The following LAMC2 variants were observed in gnomAD, a reference collection of about 807,000 sequenced individuals.
The protein encoded by LAMC2 is laminin subunit gamma-2.
LAMC2 carries 97 observed loss-of-function variants against 140.2 expected under a neutral mutation model. The ratio of observed to expected loss-of-function variants is 0.69; its 90% CI spans 0.59 to 0.82. The LOEUF (loss-of-function observed/expected upper bound fraction) is 0.82. Among genes scored for constraint, LAMC2 ranks in the 40% least tolerant of loss-of-function variants. LAMC2 has a pLI of 0.00. For missense variants in LAMC2, 1,402 were observed against 1,476.1 expected, an observed-to-expected ratio of 0.95 and a Z score of 0.82; for synonymous variants, 513 against 540.2, an observed-to-expected ratio of 0.95 and a Z score of 0.70.
chr1:183,207,347 C>T (rs1658916660), intron 1 of LAMC2, among the ~76,000 whole-genome samples: 1 of 151,766 alleles, frequency 6.6e-6, no homozygotes, highest in Non-Finnish European at 1.5e-5. Flanking sequence ...GGACACTTGG[C>T]TTTGGGAGGA....
intron 3 of LAMC2, 69 bp downstream of exon 3, chr1:183,215,657 A>G (rs1327237008): frequency 6.4e-7 from 1 of 1,572,044 alleles, no homozygotes; most frequent in African/African-American, 1.3e-5. Flanking sequence ...CTTAGCAAAC[A>G]CTTGTATTTA....
At position 183,236,514 on chromosome 1, in the gene LAMC2, G is replaced by A. The variant is rs780080822; in HGVS notation, c.2511G>A (p.Ala837=). ...AGTTGACAAGGGAGGCCACTCAAGC[G>A]GAAATTGAAGCAGATAGGTCTTATC... The part of the protein sequence containing the change: ...AQQLTREATQ[A]EIEADRSYQH... The change falls in exon 17 of 23, where the codon GCG becomes GCA. Residue 837 remains alanine (A), a synonymous_variant. Coordinates refer to ENST00000264144, the MANE Select transcript of LAMC2 (RefSeq NM_005562.3). The A allele has an allele frequency of 1.5e-5, 25 of 1,613,872 alleles. No homozygotes were observed. Among genetic ancestry groups the A allele is most frequent in the African/African-American group, 4.0e-5 (3 of 74,870 alleles).
At chr1:183,214,971 G>A (rs974817999) in intron 2 of LAMC2, among the ~76,000 whole-genome samples, 2 of 152,136 alleles carry the variant, frequency 1.3e-5, no homozygotes, top group African/African-American at 4.8e-5. Context: ...AGCACTCCTG[G>A]CAGGTGGATA....
chr1:183,246,103 G>A (rs1459755806), downstream of LAMC2, among the ~76,000 whole-genome samples: 1 of 150,882 alleles, frequency 6.6e-6, no homozygotes, highest in African/African-American at 2.4e-5. Flanking sequence ...CTGGGAGGTG[G>A]AGCTTGCAGT....
Position 183,232,829 on chromosome 1 carries a change from C to T in LAMC2, c.2192C>T (p.Ala731Val), listed in dbSNP as rs770562490. 3.1e-6 allele frequency: 5 copies of T among 1,613,938 alleles called. No individual in the cohort carries two copies. In the African/African-American group the frequency reaches 5.3e-5, roughly 17 times the overall value. The change falls in exon 14 of 23, where the codon GCA becomes GTA. Residue 731 changes from alanine (A) to valine (V), a missense_variant. Coordinates refer to ENST00000264144, the MANE Select transcript of LAMC2 (RefSeq NM_005562.3). ...ATCACTCAGATGCAGCTGAGCCTGG[C>T]AGAAAGTGAAGCTTCCTTGGGAAAC... The part of the protein sequence containing the change: ...RLITQMQLSL[A>V]ESEASLGNTN...
chr1:183,218,295 C>A lies in LAMC2; in HGVS notation c.405-95C>A, dbSNP rs781071432. ...GCCTCATCGAAGAAGGACTGCCCAG[C>A]TTCGTGATGTTTGCTCATGAGCAGT... On this transcript the variant is annotated intron_variant, in intron 3 of 22. Transcript: ENST00000264144. 2.3e-5 allele frequency: 23 copies of A among 1,004,358 alleles called. No individual in the cohort carries two copies. In the East Asian group the frequency reaches 5.3e-4, roughly 23 times the overall value. The allele number at this position is 1,004,358 out of a possible 1,614,324, so 62.2% of individuals were successfully genotyped here. A position where few individuals can be genotyped will look rare whatever the true frequency, so the allele number is the denominator to read the frequency against.
intron 1 of LAMC2, among the ~76,000 whole-genome samples, chr1:183,193,825 A>G (rs1364321613): frequency 7.6e-6 from 1 of 131,248 alleles, no homozygotes; most frequent in African/African-American, 2.6e-5. Context: ...TCCCTGATGT[A>G]GTCTTCATGG....
chr1:183,234,524 G>C, intron 15 of LAMC2, 78 bp downstream of exon 15: 1 of 1,129,326 alleles, frequency 8.9e-7, no homozygotes, highest in Non-Finnish European at 1.3e-6. Context: ...AGGGTATTAG[G>C]GACCCAAGCA....
At chr1:183,235,317 C>G (rs896022133) in intron 15 of LAMC2, among the ~76,000 whole-genome samples, 7 of 152,192 alleles carry the variant, frequency 4.6e-5, no homozygotes, top group Non-Finnish European at 7.3e-5. Context: ...CCCATCTCCA[C>G]ACTCCACCCC....
Position 183,213,058 on chromosome 1 carries a change from GTTCTCT to G in LAMC2, c.269-2390_269-2385del, listed in dbSNP as rs77836876. On this transcript the variant is annotated intron_variant, in intron 2 of 22. Transcript: ENST00000264144. ...AAGCCATCCTGCAGACTGCTCTAGA[GTTCTCT>G]TTCTAAGTGCAGGTCTGAACTTGTC... is the stretch of plus-strand genomic sequence containing the variant. Among the ~76,000 whole-genome samples, 322 of 152,354 alleles carry G rather than the reference GTTCTCT, an allele frequency of 2.1e-3. 4 individuals carry two copies. The East Asian group carries it at 0.054, about 25-fold the overall frequency.
intron 3 of LAMC2, among the ~76,000 whole-genome samples, chr1:183,216,243 A>C (rs1201891780): frequency 2.0e-5 from 3 of 151,572 alleles, no homozygotes; most frequent in African/African-American, 7.3e-5. Context: ...GCCATACTGC[A>C]TTGTCCCAGT....
chr1:183,252,885 T>G, the LAMC2 span: 1 of 615,772 alleles, frequency 1.6e-6, no homozygotes, highest in Admixed American at 2.7e-5. Context: ...AAAGGCCCTC[T>G]TGCCTCCACA....
chr1:183,212,652 G>A (rs1221988462), intron 2 of LAMC2, among the ~76,000 whole-genome samples: 1 of 151,888 alleles, frequency 6.6e-6, no homozygotes, highest in African/African-American at 2.4e-5. Context: ...AGTGTTGAGG[G>A]CTCCTAGATC....
In LAMC2 at chr1:183,186,410, C is replaced by A; in HGVS notation, c.58C>A (p.Arg20=). The change falls in exon 1 of 23, where the codon CGG becomes AGG. Residue 20 remains arginine, a synonymous_variant. Transcript: ENST00000264144. The stretch of plus-strand genomic sequence containing the variant: ...CTTCTCGCTCCTCCTGCCCGCAGCC[C>A]GGGCCACCTCCAGGAGGGAAGGTGA... ...LCFSLLLPAA[R]ATSRREVCDC... is the part of the protein sequence containing the mutation. The A allele has an allele frequency of 6.2e-7, 1 of 1,605,334 alleles. No individual in the cohort carries two copies. Among genetic ancestry groups the A allele is most frequent in the South Asian group, 1.1e-5 (1 of 91,008 alleles).
intron 1 of LAMC2, among the ~76,000 whole-genome samples, chr1:183,197,909 G>A (rs913843925): frequency 6.6e-6 from 1 of 152,026 alleles, no homozygotes; most frequent in Non-Finnish European, 1.5e-5. Flanking sequence ...TAGAGTAGGG[G>A]TAAGGAAAGG....
intron 1 of LAMC2, among the ~76,000 whole-genome samples, chr1:183,204,520 T>G (rs997655988): frequency 4.0e-5 from 6 of 150,502 alleles, no homozygotes; most frequent in Non-Finnish European, 8.8e-5. Flanking sequence ...TATTCCCAGC[T>G]ACTTGGGAGG....
chr1:183,219,495 A>C (rs1659400498), intron 4 of LAMC2, among the ~76,000 whole-genome samples: 1 of 152,188 alleles, frequency 6.6e-6, no homozygotes. Flanking sequence ...AGTGACCACT[A>C]TTCTGACTTT....
At chr1:183,220,725 C>T in intron 4 of LAMC2, 100 bp from the exon 5 acceptor site, 1 of 1,248,158 alleles carries the variant, frequency 8.0e-7, no homozygotes, top group Non-Finnish European at 1.1e-6. Context: ...TTAATAGGGC[C>T]AAATGGAAGA....
rs764424072 is a variant in LAMC2 at position 183,231,073 on chromosome 1, T to C, written c.1827T>C (p.Cys609=). ...ACTGTGAGCATGGAGCATTCAGCTG[T>C]CCAGCTTGCTATAATCAAGTGAAGA... is the stretch of plus-strand genomic sequence containing the variant. ...GPNCEHGAFS[C]PACYNQVKIQ... Residue 609 remains cysteine, a synonymous_variant, in exon 12 of 23, where the codon TGT becomes TGC. Coordinates refer to ENST00000264144, the MANE Select transcript of LAMC2 (RefSeq NM_005562.3). 1.4e-5 allele frequency: 22 copies of C among 1,614,072 alleles called. No homozygotes were observed. The South Asian group carries it at 2.4e-4, about 18-fold the overall frequency.
Sources: gnomAD v4.1 joint callset for allele counts (sites outside exome capture counted in the v4.1 genomes callset) on GRCh38, gnomAD v4.1.1 for gene constraint, MANE v1.5 for transcripts, NCBI Gene and HGNC (gene_info 2026-07-23, HGNC 2026-07-21) for gene names.